WNK2: variants seen among roughly 807,000 people sequenced by gnomAD.
WNK2 encodes serine/threonine-protein kinase WNK2.
WNK2 carries 67 observed loss-of-function variants against 192.1 expected under a neutral mutation model. That is an observed-to-expected ratio of 0.35 (90% CI 0.29 to 0.43). The LOEUF is 0.43. WNK2 is among the 20% of genes least tolerant of loss of function. The pLI is 1.00. For synonymous variants in WNK2, 1,439 were observed against 1,393.9 expected, an observed-to-expected ratio of 1.03 and a Z score of -0.72; for missense variants, 2,698 against 3,089.7, an observed-to-expected ratio of 0.87 and a Z score of 3.01.
chr9:93,204,443 G>A (rs1305374764), intron 2 of WNK2, among the ~76,000 whole-genome samples: 2 of 152,234 alleles, frequency 1.3e-5, no homozygotes, highest in South Asian at 2.1e-4. Flanking sequence ...CCAGAAAGGC[G>A]GGGCCAGCCC....
rs35641750 is a variant in WNK2, at chr9:93,272,738, CAA to C, written c.4033+4009_4033+4010del. On this transcript the variant is annotated intron_variant, in intron 19 of 29. Transcript: ENST00000427277. Reference sequence around the variant, plus strand: ...GGGCAACAAGAGCGAAACTCCGTCTCAAAAAAAAAAAAAAAAAATTCAAATAA... The same window carrying C: ...GGGCAACAAGAGCGAAACTCCGTCTCAAAAAAAAAAAAAAAATTCAAATAA... Among the ~76,000 whole-genome samples the C allele has an allele frequency of 3.0e-3, 272 of 90,808 alleles. 5 individuals carry two copies. The highest frequency in any genetic ancestry group is 0.013 in the African/African-American group (245 of 19,258). The allele number at this position is 90,808 out of a possible 152,430, so 59.6% of individuals were successfully genotyped here. A position where few individuals can be genotyped will look rare whatever the true frequency, so the allele number is the denominator to read the frequency against.
intron 2 of WNK2, 37 bp downstream of exon 2, chr9:93,185,647 G>C (rs1179250953): frequency 4.4e-6 from 7 of 1,585,522 alleles, no homozygotes; most frequent in African/African-American, 4.0e-5. Flanking sequence ...CTTTCCGCAG[G>C]GTCTGTCCGC....
At position 93,234,826 on chromosome 9, in the gene WNK2, C is replaced by T; in HGVS notation, c.1094C>T (p.Ala365Val). 1 of 1,613,658 alleles carries T rather than the reference C, an allele frequency of 6.2e-7. No homozygotes were observed. The highest frequency in any genetic ancestry group is 8.5e-7 in the Non-Finnish European group (1 of 1,179,636). The change falls in exon 5 of 30, where the codon GCG becomes GTG. Residue 365 changes from alanine to valine, a missense_variant. Coordinates refer to ENST00000427277, the MANE Select transcript of WNK2 (RefSeq NM_006648.4). ...KSVIGTPEFMAPEMYEEHYDE... is the reference protein window; with the variant it reads ...KSVIGTPEFMVPEMYEEHYDE... ...GGCACAGGTACTCCCGAGTTCATGG[C>T]GCCCGAGATGTACGAGGAGCACTAC...
chr9:93,197,558 G>A (rs1449895152), intron 2 of WNK2, among the ~76,000 whole-genome samples: 2 of 152,036 alleles, frequency 1.3e-5, no homozygotes, highest in Non-Finnish European at 2.9e-5. Flanking sequence ...AGGGAGTCTT[G>A]CTCTGTCTCC....
At chr9:93,250,556 G>T (rs1277823165) in intron 8 of WNK2, among the ~76,000 whole-genome samples, 2 of 152,230 alleles carry the variant, frequency 1.3e-5, no homozygotes, top group East Asian at 3.8e-4. Flanking sequence ...TGTGTAACAA[G>T]ATTGGCAAAC....
chr9:93,227,760 G>A (rs995836453), intron 2 of WNK2, among the ~76,000 whole-genome samples: 2 of 148,662 alleles, frequency 1.3e-5, no homozygotes, highest in African/African-American at 5.0e-5. Flanking sequence ...TCAGCCTCCC[G>A]AGTAGCTGGG....
rs374488921 is a variant in WNK2 at position 93,239,894 on chromosome 9, A to G, written c.1460A>G (p.Lys487Arg). ...RLWVEDPKKL[K>R]GKPKDNGAIE... ...TGGGTGGAAGACCCCAAGAAACTGA[A>G]GGGAAAGCCCAAGGACAATGGAGCC... Residue 487 changes from lysine (K) to arginine (R), a missense_variant, in exon 7 of 30, where the codon AAG becomes AGG. This residue lies in a region of WNK2 where 230 missense variants were observed against 501.1 expected (regional missense o/e 0.46). Transcript: ENST00000427277. This position sits in a 1 kb window ranked among gnomAD's most constrained non-coding sequence, Gnocchi z 4.2. The G allele has an allele frequency of 1.2e-6, 2 of 1,611,008 alleles. No individual in the cohort carries two copies. Among genetic ancestry groups the G allele is most frequent in the Non-Finnish European group, 1.7e-6 (2 of 1,178,744 alleles).
Position 93,319,333 on chromosome 9 carries a change from G to A in WNK2, c.6629-1034G>A, listed in dbSNP as rs80221697. On this transcript the variant is annotated intron_variant, in intron 29 of 29. Coordinates refer to ENST00000427277, the MANE Select transcript of WNK2 (RefSeq NM_006648.4). ...AGCTGCATCCACACCTCTGGAGGAG[G>A]GTGCTGAGGGGCTGCGGGTGCTGGG... is the stretch of plus-strand genomic sequence containing the variant. The A allele has an allele frequency of 4.1e-4, 578 of 1,397,236 alleles. 3 individuals are homozygous for A. The East Asian group carries it at 0.014, about 34-fold the overall frequency. The allele number at this position is 1,397,236 out of a possible 1,614,324, so 86.6% of individuals were successfully genotyped here. A position where few individuals can be genotyped will look rare whatever the true frequency, so the allele number is the denominator to read the frequency against.
At chr9:93,236,087 T>C (rs1839770153) in intron 5 of WNK2, among the ~76,000 whole-genome samples, 2 of 152,088 alleles carry the variant, frequency 1.3e-5, no homozygotes. Context: ...GGAAGGAGTG[T>C]CAGGACCTGC....
chr9:93,250,811 G>A (rs557268290), intron 8 of WNK2, among the ~76,000 whole-genome samples: 64 of 138,746 alleles, frequency 4.6e-4, no homozygotes, highest in African/African-American at 1.6e-3. Flanking sequence ...TTGAGACGGA[G>A]TCTCGCTCTG....
intron 20 of WNK2, 49 bp from the exon 21 acceptor site, chr9:93,289,929 C>T: frequency 6.6e-7 from 1 of 1,519,228 alleles, no homozygotes; most frequent in Non-Finnish European, 8.9e-7. Context: ...TGTTGAGATG[C>T]TGACCTGTGA....
chr9:93,262,982 GA>G (rs1844543988), intron 14 of WNK2, among the ~76,000 whole-genome samples: 1 of 152,216 alleles, frequency 6.6e-6, no homozygotes, highest in Non-Finnish European at 1.5e-5. Flanking sequence ...GAATGTTCCA[GA>G]ACGGAGAGGC....
chr9:93,305,921 G>A (rs528304340), intron 26 of WNK2, among the ~76,000 whole-genome samples: 6 of 151,560 alleles, frequency 4.0e-5, no homozygotes, highest in Admixed American at 1.3e-4. Flanking sequence ...GTGCTTGCCC[G>A]TCCCAGCTCT....
chr9:93,311,095 A>C (rs544742775), intron 28 of WNK2, among the ~76,000 whole-genome samples: 1 of 152,098 alleles, frequency 6.6e-6, no homozygotes. Context: ...GGGAACTTCC[A>C]TTCTGCTTCT....
chr9:93,237,344 AAATGAG>A (rs1373934906), intron 5 of WNK2, among the ~76,000 whole-genome samples: 3 of 152,230 alleles, frequency 2.0e-5, no homozygotes, highest in South Asian at 4.2e-4. Context: ...TCAGATTCTG[AAATGAG>A]CAGAATAGAG....
At chr9:93,265,933 C>T (rs975606936) in intron 16 of WNK2, among the ~76,000 whole-genome samples, 3 of 152,236 alleles carry the variant, frequency 2.0e-5, no homozygotes, top group African/African-American at 7.2e-5. Context: ...GTAAAAATAG[C>T]ATCTTCTCAG....
chr9:93,320,396 C>T lies in WNK2; in HGVS notation c.*4C>T, dbSNP rs376731708. The T allele has an allele frequency of 8.0e-5, 109 of 1,367,646 alleles. No individual in the cohort carries two copies. The highest frequency in any genetic ancestry group is 9.5e-5 in the Admixed American group (5 of 52,588). 84.7% of individuals were successfully genotyped at this position (1,367,646 alleles called of 1,614,324 possible). A position where few individuals can be genotyped will look rare whatever the true frequency, so the allele number is the denominator to read the frequency against. On this transcript the variant is annotated 3_prime_UTR_variant, in exon 30 of 30. Coordinates refer to ENST00000427277, the MANE Select transcript of WNK2 (RefSeq NM_006648.4). Reference sequence around the variant, plus strand: ...TGAGAGTGAGAAGCCTGACTGACCCCGCCTAGACGCCAGGCCCACTTCACG... The same window carrying T: ...TGAGAGTGAGAAGCCTGACTGACCCTGCCTAGACGCCAGGCCCACTTCACG...
In WNK2 at chr9:93,298,229, A is replaced by G. The variant is rs563248622; in HGVS notation, c.5923+162A>G. On this transcript the variant is annotated intron_variant, in intron 24 of 29. Transcript: ENST00000427277. ...TTCCCTGGAGCAGGGGAGTCATTGC[A>G]GCATGAAGGCAGCCCTGGTCCTCCG... 2.0e-5 allele frequency among the ~76,000 whole-genome samples: 3 copies of G among 152,316 alleles called. No homozygotes were observed. The South Asian group carries it at 6.2e-4, about 32-fold the overall frequency.
In WNK2 at chr9:93,297,110, T is replaced by TGGCGTCCTCCCCTC. The variant is rs1311955381; in HGVS notation, c.5709-722_5709-709dup. On this transcript the variant is annotated intron_variant, in intron 23 of 29. Transcript: ENST00000427277. The stretch of plus-strand genomic sequence containing the variant: ...CTTCCTCCCCTCGGCTTCCTCCCCT[T>TGGCGTCCTCCCCTC]GGCGTCCTCCCCTCGGCGTCCTCCC... Among the ~76,000 whole-genome samples, 13 of 129,068 alleles carry TGGCGTCCTCCCCTC rather than the reference T, an allele frequency of 1.0e-4. No homozygotes were observed. In the East Asian group the frequency reaches 1.2e-3, roughly 12 times the overall value. The allele number at this position is 129,068 out of a possible 152,430, so 84.7% of individuals were successfully genotyped here. A position where few individuals can be genotyped will look rare whatever the true frequency, so the allele number is the denominator to read the frequency against.
Sources: gnomAD v4.1 joint callset for allele counts (sites outside exome capture counted in the v4.1 genomes callset) on GRCh38, gnomAD v4.1.1 for gene constraint, gnomAD v4.1.1 regional missense constraint, Gnocchi (gnomAD v3.1) non-coding constraint, MANE v1.5 for transcripts, NCBI Gene and HGNC (gene_info 2026-07-23, HGNC 2026-07-21) for gene names.